The following LMO7 variants were observed in gnomAD, a reference collection of about 807,000 sequenced individuals.
LMO7 encodes LIM domain 7.
LMO7 carries 120 observed loss-of-function variants against 206.5 expected under a neutral mutation model. The ratio of observed to expected loss-of-function variants is 0.58; its 90% CI spans 0.50 to 0.68. LMO7 has a LOEUF of 0.68. LMO7 is among the 30% of genes least tolerant of loss of function. The pLI is 0.00. For missense variants in LMO7, 1,959 were observed against 1,957.9 expected (o/e 1.00, Z -0.01); for synonymous variants, 706 against 681.5 (o/e 1.04, Z -0.56).
intron 4 of LMO7, among the ~76,000 whole-genome samples, chr13:75,763,078 G>A (rs2048397176): frequency 6.6e-6 from 1 of 152,078 alleles, no homozygotes; most frequent in African/African-American, 2.4e-5. Flanking sequence ...CAAAATTCTT[G>A]TCCTGTCATT....
intron 1 of LMO7, among the ~76,000 whole-genome samples, chr13:75,662,251 T>C (rs2038675845): frequency 6.6e-6 from 1 of 152,244 alleles, no homozygotes; most frequent in African/African-American, 2.4e-5. Flanking sequence ...ATGAATCCCA[T>C]GAGTCTTGTT....
intron 4 of LMO7, among the ~76,000 whole-genome samples, chr13:75,772,313 G>A (rs1021513234): frequency 6.6e-6 from 1 of 152,064 alleles, no homozygotes; most frequent in African/African-American, 2.4e-5. Flanking sequence ...AAGAAGACAA[G>A]CAGGGATAAT....
intron 1 of LMO7, among the ~76,000 whole-genome samples, chr13:75,683,608 C>T (rs1339213954): frequency 2.0e-5 from 3 of 152,132 alleles, no homozygotes; most frequent in Non-Finnish European, 2.9e-5. Context: ...AGTGTGAACC[C>T]AATAGTATCT....
At chr13:75,640,454 C>T (rs2036424304) in intron 1 of LMO7, among the ~76,000 whole-genome samples, 2 of 152,142 alleles carry the variant, frequency 1.3e-5, no homozygotes, top group African/African-American at 4.8e-5. Context: ...TTCCTTGTAA[C>T]CTAGTGAACA....
intron 3 of LMO7, among the ~76,000 whole-genome samples, chr13:75,746,285 AG>A (rs2046832432): frequency 6.6e-6 from 1 of 152,300 alleles, no homozygotes; most frequent in Non-Finnish European, 1.5e-5. Context: ...TATATATAAA[AG>A]AGTGATGTAG....
intron 1 of LMO7, among the ~76,000 whole-genome samples, chr13:75,638,872 A>G (rs1020634281): frequency 6.6e-6 from 1 of 152,050 alleles, no homozygotes; most frequent in Non-Finnish European, 1.5e-5. Flanking sequence ...GTTGATTCCA[A>G]TGTGTATTTG....
At chr13:75,683,361 A>G (rs927505007) in intron 1 of LMO7, among the ~76,000 whole-genome samples, 3 of 152,162 alleles carry the variant, frequency 2.0e-5, no homozygotes, top group Admixed American at 6.5e-5. Context: ...GGATATTGCA[A>G]TTAGGTCTAA....
At chr13:75,795,483 T>C in intron 5 of LMO7, 52 bp downstream of exon 5, 1 of 1,290,262 alleles carries the variant, frequency 7.8e-7, no homozygotes, top group Non-Finnish European at 1.1e-6. Flanking sequence ...CACTTTCATG[T>C]TCTGTAAGAA....
chr13:75,750,266 T>G (rs1372734070), intron 3 of LMO7, among the ~76,000 whole-genome samples: 1 of 152,170 alleles, frequency 6.6e-6, no homozygotes, highest in Non-Finnish European at 1.5e-5. Context: ...GGGTGACTTA[T>G]GTGCATACTA....
chr13:75,660,624 C>T (rs1466185729), intron 1 of LMO7, among the ~76,000 whole-genome samples: 4 of 152,252 alleles, frequency 2.6e-5, no homozygotes, highest in South Asian at 2.1e-4. Flanking sequence ...TCTCTCTTCA[C>T]GGGGTCTTTG....
chr13:75,704,113 T>C (rs1371237137), intron 1 of LMO7, among the ~76,000 whole-genome samples: 1 of 152,202 alleles, frequency 6.6e-6, no homozygotes, highest in Non-Finnish European at 1.5e-5. Flanking sequence ...TTTTAATTGA[T>C]TGACAGCTTT....
intron 6 of LMO7, among the ~76,000 whole-genome samples, chr13:75,797,507 A>G (rs1177180593): frequency 2.0e-5 from 3 of 152,248 alleles, no homozygotes; most frequent in African/African-American, 4.8e-5. Context: ...CCTTTTGTGT[A>G]GTCACAATGG....
chr13:75,857,846 G>A (rs923979436), intron 30 of LMO7, 75 bp from the exon 31 acceptor site: 18 of 996,996 alleles, frequency 1.8e-5, no homozygotes, highest in Non-Finnish European at 2.6e-5. Context: ...AGTGATGACT[G>A]CTATGTATCC....
chr13:75,621,574 T>C (rs1490962716), exon 1 of LMO7: 4 of 427,076 alleles, frequency 9.4e-6, no homozygotes, highest in Non-Finnish European at 1.2e-5. Context: ...TCATGTTTCA[T>C]TTATAGCTAT....
At chr13:75,650,131 TTC>T (rs1491234752) in intron 1 of LMO7, among the ~76,000 whole-genome samples, 1 of 151,986 alleles carries the variant, frequency 6.6e-6, no homozygotes, top group Non-Finnish European at 1.5e-5. Flanking sequence ...CCACATTTTT[TTC>T]TTTTTCTTTT....
chr13:75,801,513 A>G (rs1566489240), intron 7 of LMO7, among the ~76,000 whole-genome samples: 1 of 152,190 alleles, frequency 6.6e-6, no homozygotes, highest in Non-Finnish European at 1.5e-5. Flanking sequence ...GGAACATGTT[A>G]GAGACATTCT....
At chr13:75,782,793 T>C (rs895523924) in intron 4 of LMO7, among the ~76,000 whole-genome samples, 7 of 152,182 alleles carry the variant, frequency 4.6e-5, no homozygotes, top group Non-Finnish European at 7.3e-5. Context: ...CAATCCCTTC[T>C]CCTCTACAAC....
At chr13:75,621,923 G>C (rs1333820979) in intron 1 of LMO7, 15 of 1,321,656 alleles carry the variant, frequency 1.1e-5, no homozygotes, top group Non-Finnish European at 1.5e-5. Context: ...AACTAAGGCA[G>C]AGCATCTCCA....
At chr13:75,854,573 G>A (rs551332159) in intron 28 of LMO7, among the ~76,000 whole-genome samples, 61 of 152,266 alleles carry the variant, frequency 4.0e-4, no homozygotes, top group Non-Finnish European at 7.4e-4. Context: ...TGGGGGTGCA[G>A]AGATGTGGAA....
Sources: gnomAD v4.1 joint callset for allele counts (sites outside exome capture counted in the v4.1 genomes callset) on GRCh38, gnomAD v4.1.1 for gene constraint, MANE v1.5 for transcripts, NCBI Gene and HGNC (gene_info 2026-07-23, HGNC 2026-07-21) for gene names.